Variants in RENBP observed in about 807,000 individuals in gnomAD.
The protein encoded by RENBP is renin binding protein, also known as N-acylglucosamine 2-epimerase.
In RENBP, 16 loss-of-function variants were observed where a neutral mutation model predicts 37.8. The ratio of observed to expected loss-of-function variants is 0.42; its 90% confidence interval spans 0.29 to 0.64. The LOEUF (loss-of-function observed/expected upper bound fraction) is 0.64, where lower values mean the gene tolerates loss of function less well. Among genes scored for constraint, RENBP ranks in the 30% least tolerant of loss-of-function variants. The pLI, the probability that RENBP is intolerant of heterozygous loss-of-function variation, is 0.19. For synonymous variants in RENBP, 170 were observed against 154.8 expected (o/e 1.10, Z -0.73); for missense variants, 347 against 379.5 (o/e 0.91, Z 0.71).
intron 9 of RENBP, chrX:153,935,996 G>A (rs145059526): frequency 3.8e-5 from 8 of 208,959 alleles, no homozygotes; most frequent in African/African-American, 2.1e-4. Flanking sequence ...GGACGTGGTG[G>A]CACGCACTTG....
intron 1 of RENBP, 58 bp downstream of exon 1, chrX:153,944,526 C>T: frequency 4.3e-6 from 5 of 1,168,599 alleles, no homozygotes; most frequent in Non-Finnish European, 4.6e-6. Context: ...GGGCTTCAGA[C>T]GTCACCATCC....
chrX:153,938,784 TTTTTTTTTTTTG>T (rs1227326963), intron 9 of RENBP, among the ~76,000 whole-genome samples: 3 of 91,015 alleles, frequency 3.3e-5, no homozygotes, highest in Admixed American at 2.4e-4. Flanking sequence ...TCTGTACTGT[TTTTTTTTTTTTG>T]TTTTTTTTTT....
In RENBP at chrX:153,944,509, C is replaced by T. The variant is rs1333174639; in HGVS notation, c.27+75G>A. 5.2e-6 allele frequency: 6 copies of T among 1,164,016 alleles called. No homozygotes were observed. The African/African-American group carries it at 1.1e-4, about 21-fold the overall frequency. ...CCAGCCCTCAGGGATCTCCCCACCTCTGCACGGGGCTTCAGACGTCACCAT... is the reference window on the plus strand; with the variant it reads ...CCAGCCCTCAGGGATCTCCCCACCTTTGCACGGGGCTTCAGACGTCACCAT... On this transcript the variant is annotated intron_variant, in intron 1 of 10. Coordinates refer to ENST00000393700, the MANE Select transcript of RENBP (RefSeq NM_002910.6).
intron 9 of RENBP, among the ~76,000 whole-genome samples, chrX:153,937,590 C>T (rs1053816370): frequency 4.5e-5 from 5 of 109,962 alleles, no homozygotes; most frequent in African/African-American, 9.9e-5. Flanking sequence ...TACAGGCACC[C>T]GCCACCAAGC....
intron 9 of RENBP, among the ~76,000 whole-genome samples, chrX:153,939,072 G>A (rs1294131597): frequency 6.4e-5 from 7 of 109,182 alleles, no homozygotes; most frequent in Non-Finnish European, 1.3e-4. Context: ...GGGATTACAG[G>A]CGTGAGCCAC....
chrX:153,938,845 G>A (rs1358913275), intron 9 of RENBP, among the ~76,000 whole-genome samples: 1 of 98,673 alleles, frequency 1.0e-5, no homozygotes, highest in Non-Finnish European at 2.0e-5. Context: ...CCAGGCTGGA[G>A]TGCAATGGTG....
chrX:153,941,154 A>C (rs2065224553), intron 8 of RENBP, among the ~76,000 whole-genome samples: 1 of 108,744 alleles, frequency 9.2e-6, no homozygotes, highest in Non-Finnish European at 1.9e-5. Flanking sequence ...AAAAAAAAAA[A>C]AAAAAAAAAA....
chrX:153,943,159 G>T (rs1265570841), intron 5 of RENBP, 80 bp from the exon 6 acceptor site: 11 of 759,379 alleles, frequency 1.4e-5, no homozygotes, highest in Non-Finnish European at 2.0e-5. Context: ...CCTGGGGTGG[G>T]AGAGCCAATT....
In RENBP at chrX:153,940,107, G is replaced by A. The variant is rs782469690; in HGVS notation, c.1072C>T (p.Arg358Cys). 13 of 1,208,785 alleles carry A rather than the reference G, an allele frequency of 1.1e-5. No individual in the cohort carries two copies. The highest frequency in any genetic ancestry group is 2.2e-5 in the Admixed American group (1 of 45,556). ...LFYQVAEYTF[R>C]QFRDPEYGEW... ...GACAAGGAGGCAGCTCTCACCTGGC[G>A]GAAGGTGTACTCAGCCACTTGGTAG... is the stretch of plus-strand genomic sequence containing the variant. The change falls in exon 9 of 11, where the codon CGC (arginine) becomes TGC (cysteine). Residue 358 changes from arginine (R) to cysteine (C), a missense_variant. Physicochemically the swap from Arg to Cys is radical, Grantham distance 180. Around this residue, in one of 3 missense-constraint regions of RENBP, gnomAD observed 91 missense variants for 67.7 expected, o/e 1.34. Transcript: ENST00000393700.
At chrX:153,944,478 C>CG (rs1264497231) in intron 1 of RENBP, 60 bp from the exon 2 acceptor site, 2 of 1,167,940 alleles carry the variant, frequency 1.7e-6, no homozygotes, top group Non-Finnish European at 2.3e-6. Flanking sequence ...CCCCCAGCCT[C>CG]GGGAACCAGC....
At chrX:153,941,925 G>GCCGGCCC in intron 7 of RENBP, 25 bp downstream of exon 7, 2 of 708,460 alleles carry the variant, frequency 2.8e-6, no homozygotes, top group South Asian at 2.1e-5. Flanking sequence ...CTCCTGGGTG[G>GCCGGCCC]CCCCCAGCCC....
rs1162519287 is a variant in RENBP, at chrX:153,935,311, G to GT, written c.1258dup (p.Thr420AsnfsTer?). ...TTATTCCGCGCCTCGGCAGGCGGGG[G>GT]TGGGGGCGGGGGAGGGGGCGGGGGC... On this transcript the variant is annotated frameshift_variant, in exon 11 of 11. Coordinates refer to ENST00000393700, the MANE Select transcript of RENBP (RefSeq NM_002910.6). LOFTEE classifies it high-confidence loss of function. The GT allele has an allele frequency of 1.1e-6, 1 of 930,116 alleles. No individual in the cohort carries two copies. The highest frequency in any genetic ancestry group is 2.1e-5 in the African/African-American group (1 of 47,828). The allele number at this position is 930,116 out of a possible 1,213,427, so 76.7% of individuals were successfully genotyped here.
chrX:153,937,243 A>AATAAAAAC (rs1292744283), intron 9 of RENBP: 1 of 113,613 alleles, frequency 8.8e-6, no homozygotes, highest in African/African-American at 3.5e-5. Context: ...TAAATAAATA[A>AATAAAAAC]AAACTAGTTC....
intron 9 of RENBP, among the ~76,000 whole-genome samples, chrX:153,938,472 C>T (rs1189696249): frequency 6.2e-5 from 7 of 112,438 alleles, no homozygotes; most frequent in African/African-American, 2.3e-4. Context: ...CCAGTGGAGT[C>T]GGAGTCGTGG....
chrX:153,944,069 G>A lies in RENBP; in HGVS notation c.213+11C>T. 2.5e-6 allele frequency: 3 copies of A among 1,208,877 alleles called. No homozygotes were observed. The highest frequency in any genetic ancestry group is 3.4e-6 in the Non-Finnish European group (3 of 893,513). Reference sequence around the variant, plus strand: ...CCGTGTGCCTGAGCTTCCAGGCTGGGAACACCATACCTGCCTCCCCTGCAG... The same window carrying A: ...CCGTGTGCCTGAGCTTCCAGGCTGGAAACACCATACCTGCCTCCCCTGCAG... On this transcript the variant is annotated intron_variant, in intron 3 of 10. Transcript: ENST00000393700.
rs781875060 is a variant in RENBP at position 153,944,303 on chromosome X, G to A, written c.137+6C>T. ...CTGCTGAGGACTCCAGAAGCACGCC[G>A]AGTACCCGTGCTCCTGGTCGTGGGA... On this transcript the variant is annotated splice_donor_region_variant and intron_variant, in intron 2 of 10. Transcript: ENST00000393700. 23 of 1,201,538 alleles carry A rather than the reference G, an allele frequency of 1.9e-5. No homozygotes were observed. The highest frequency in any genetic ancestry group is 2.4e-5 in the Non-Finnish European group (21 of 887,443).
Position 153,935,382 on chromosome X carries a change from G to C in RENBP, c.1188C>G (p.Cys396Trp). Residue 396 changes from cysteine to tryptophan, a missense_variant, in exon 11 of 11, where the codon TGC becomes TGG. Around this residue, in one of 3 missense-constraint regions of RENBP, gnomAD observed 91 missense variants for 67.7 expected, o/e 1.34. Coordinates refer to ENST00000393700, the MANE Select transcript of RENBP (RefSeq NM_002910.6). Reference protein sequence around the residue: ...PFKGCFHVPRCLAMCEEMLGA... With the variant: ...PFKGCFHVPRWLAMCEEMLGA... ...CCAGCATCTCCTCGCACATGGCTAG[G>C]CACCGCGGCACGTGGAAGCAGCCTG... 1 of 1,148,254 alleles carries C rather than the reference G, an allele frequency of 8.7e-7. No individual in the cohort carries two copies. Among genetic ancestry groups the C allele is most frequent in the Non-Finnish European group, 1.2e-6 (1 of 861,285 alleles). The allele number at this position is 1,148,254 out of a possible 1,213,427, so 94.6% of individuals were successfully genotyped here.
Position 153,941,950 on chromosome X carries a change from C to CCCCCGGGG in RENBP, c.768_769insCCCCGGGG (p.Gly257ProfsTer29). The CCCCCGGGG allele has an allele frequency of 6.2e-6, 7 of 1,130,571 alleles. No homozygotes were observed. Among genetic ancestry groups the CCCCCGGGG allele is most frequent in the Non-Finnish European group, 8.5e-6 (7 of 823,148 alleles). The allele number at this position is 1,130,571 out of a possible 1,213,427, so 93.2% of individuals were successfully genotyped here. On this transcript the variant is annotated frameshift_variant and splice_region_variant, in exon 7 of 11. Coordinates refer to ENST00000393700, the MANE Select transcript of RENBP (RefSeq NM_002910.6). LOFTEE classifies it high-confidence loss of function. ...GCCCCCAGCCCACCCCGCCCCTCAC[C>CCCCCGGGG]TGGGTTCTGCTGTCTCCCCAGGCAG...
Position 153,941,523 on chromosome X carries a change from T to G in RENBP, c.900A>C (p.Gly300=), listed in dbSNP as rs781893069. 1 of 1,210,983 alleles carries G rather than the reference T, an allele frequency of 8.3e-7. No individual in the cohort carries two copies. The highest frequency in any genetic ancestry group is 3.0e-5 in the East Asian group (1 of 33,831). ...CAGCATCCTGGAAGTAAAAGAGGCC[T>G]CCGTGGTCAGGGTCCCATCCGGAGT... The part of the protein sequence containing the change: ...PFHSGWDPDH[G]GLFYFQDADN... The change falls in exon 8 of 11, where the codon GGA becomes GGC. Residue 300 remains glycine, a synonymous_variant. Transcript: ENST00000393700.
Sources: allele counts gnomAD v4.1 joint callset (sites outside exome capture counted in the v4.1 genomes callset), GRCh38; gene constraint gnomAD v4.1.1; regional missense constraint gnomAD v4.1.1; transcripts MANE v1.5; gene names NCBI Gene and HGNC (gene_info 2026-07-23, HGNC 2026-07-21).